SLC7A9: variants seen among roughly 807,000 people sequenced by gnomAD.
SLC7A9 encodes the protein solute carrier family 7 member 9, also known as B(0,+)-type amino acid transporter 1.
In SLC7A9, 38 loss-of-function variants were observed where a neutral mutation model predicts 54.1. That is an observed-to-expected ratio of 0.70 (90% CI 0.54 to 0.92). SLC7A9 has a LOEUF of 0.92. Among genes scored for constraint, SLC7A9 ranks in the 40% least tolerant of loss-of-function variants. SLC7A9 has a pLI of 0.00. For missense variants in SLC7A9, 537 were observed against 636.1 expected (o/e 0.84, Z 1.68); for synonymous variants, 264 against 258.9 (o/e 1.02, Z -0.19).
chr19:32,852,719 A>T (rs1968503868), intron 9 of SLC7A9, among the ~76,000 whole-genome samples: 1 of 152,142 alleles, frequency 6.6e-6, no homozygotes, highest in Non-Finnish European at 1.5e-5. Flanking sequence ...CACAAGGTGA[A>T]TACTGTCAAA....
At chr19:32,834,886 G>A (rs1352614957) in intron 11 of SLC7A9, among the ~76,000 whole-genome samples, 20 of 152,080 alleles carry the variant, frequency 1.3e-4, no homozygotes, top group Admixed American at 1.3e-3. Context: ...TGCCTCTTGG[G>A]TTCAAACAGT....
At chr19:32,838,491 A>G (rs1394351024) in intron 11 of SLC7A9, among the ~76,000 whole-genome samples, 2 of 148,344 alleles carry the variant, frequency 1.3e-5, no homozygotes, top group African/African-American at 4.9e-5. Context: ...CACAATCTAT[A>G]CATATATAAT....
At chr19:32,858,788 A>G (rs141218813) in intron 8 of SLC7A9, among the ~76,000 whole-genome samples, 255 of 151,244 alleles carry the variant, frequency 1.7e-3, no homozygotes, top group African/African-American at 5.8e-3. Flanking sequence ...TTATTTATTT[A>G]TTTATTTATT....
chr19:32,858,217 G>A (rs911073863), intron 9 of SLC7A9, among the ~76,000 whole-genome samples: 2 of 152,120 alleles, frequency 1.3e-5, no homozygotes, highest in Non-Finnish European at 2.9e-5. Flanking sequence ...GAGATTCCAG[G>A]CAGCCTTGAT....
chr19:32,836,472 T>C (rs1252293326), intron 11 of SLC7A9, among the ~76,000 whole-genome samples: 1 of 152,238 alleles, frequency 6.6e-6, no homozygotes, highest in Non-Finnish European at 1.5e-5. Flanking sequence ...TATTTGCTTT[T>C]TGGTTGTTTT....
chr19:32,838,591 AC>A (rs1365396512), intron 11 of SLC7A9, among the ~76,000 whole-genome samples: 2 of 148,100 alleles, frequency 1.4e-5, no homozygotes, highest in African/African-American at 4.9e-5. Context: ...GTATATAAAA[AC>A]GTATATTATA....
intron 2 of SLC7A9, among the ~76,000 whole-genome samples, chr19:32,867,311 G>A (rs1452111154): frequency 1.3e-5 from 2 of 152,098 alleles, no homozygotes; most frequent in Admixed American, 1.3e-4. Flanking sequence ...AGACCAGCCT[G>A]GGCAACACAG....
chr19:32,834,708 T>C (rs1370796546), intron 11 of SLC7A9, among the ~76,000 whole-genome samples: 1 of 152,184 alleles, frequency 6.6e-6, no homozygotes, highest in African/African-American at 2.4e-5. Context: ...GGTATTCTCT[T>C]ATTAGGAACA....
In SLC7A9 at chr19:32,830,567, A is replaced by G; in HGVS notation, c.*53T>C. The G allele has an allele frequency of 3.0e-6, 4 of 1,354,344 alleles. No homozygotes were observed. The South Asian group carries it at 3.5e-5, about 12-fold the overall frequency. The allele number at this position is 1,354,344 out of a possible 1,614,324, so 83.9% of individuals were successfully genotyped here. On this transcript the variant is annotated 3_prime_UTR_variant, in exon 13 of 13. Transcript: ENST00000023064. ...GAAAAAAAGGAAGAAATAACCACAA[A>G]TATTGCTTAAGAAAATAAATTCAGC...
chr19:32,830,929 A>T (rs942178253), intron 12 of SLC7A9, among the ~76,000 whole-genome samples: 7 of 152,142 alleles, frequency 4.6e-5, no homozygotes, highest in African/African-American at 1.7e-4. Flanking sequence ...GGACGACTGC[A>T]CTTTCCAGTT....
At chr19:32,831,447 C>G (rs887036114) in intron 12 of SLC7A9, 1 of 151,076 alleles carries the variant, frequency 6.6e-6, no homozygotes, top group African/African-American at 2.4e-5. Flanking sequence ...CCACCACGCC[C>G]GGCTAATTTT....
chr19:32,835,911 ATG>A (rs60204379), intron 11 of SLC7A9, among the ~76,000 whole-genome samples: 61,638 of 142,444 alleles, frequency 0.43, 13,196 homozygotes, highest in East Asian at 0.7. Flanking sequence ...GTGTGTGTGT[ATG>A]TGTGTGTGTG....
At position 32,862,309 on chromosome 19, in the gene SLC7A9, G is replaced by A. The variant is rs55791325; in HGVS notation, c.605-92C>T. 5.1e-3 allele frequency: 7,340 copies of A among 1,445,822 alleles called. 290 individuals carry two copies. In the African/African-American group the frequency reaches 0.09, roughly 18 times the overall value. The allele number at this position is 1,445,822 out of a possible 1,614,324, so 89.6% of individuals were successfully genotyped here. A position where few individuals can be genotyped will look rare whatever the true frequency, so the allele number is the denominator to read the frequency against. ...AAAGATGGGCATGATTGTGACCCCA[G>A]CTTAATAAACACGCCCTGAAACTAA... On this transcript the variant is annotated intron_variant, in intron 5 of 12. Transcript: ENST00000023064.
At chr19:32,850,298 A>G (rs1048958654) in intron 9 of SLC7A9, among the ~76,000 whole-genome samples, 1 of 148,586 alleles carries the variant, frequency 6.7e-6, no homozygotes, top group African/African-American at 2.5e-5. Context: ...GTCTCAGCCC[A>G]AAATCTCCTT....
intron 11 of SLC7A9, among the ~76,000 whole-genome samples, chr19:32,836,293 A>G (rs1162106916): frequency 1.3e-5 from 2 of 151,446 alleles, no homozygotes; most frequent in African/African-American, 4.9e-5. Flanking sequence ...AAGTGATGCA[A>G]CCGCCTTGGC....
chr19:32,839,162 T>C (rs949429396), intron 11 of SLC7A9, among the ~76,000 whole-genome samples: 2 of 152,220 alleles, frequency 1.3e-5, no homozygotes, highest in African/African-American at 4.8e-5. Context: ...CTGTCCCCTT[T>C]ATCTCTCATC....
chr19:32,845,862 G>C (rs1354621687), intron 9 of SLC7A9, among the ~76,000 whole-genome samples: 1 of 152,070 alleles, frequency 6.6e-6, no homozygotes, highest in Non-Finnish European at 1.5e-5. Flanking sequence ...ACAAAAATTA[G>C]GTGTGATGGC....
chr19:32,858,345 A>G, intron 9 of SLC7A9, 95 bp downstream of exon 9: 1 of 895,824 alleles, frequency 1.1e-6, no homozygotes. Flanking sequence ...TTCGCCTGGC[A>G]GAACCCTGAG....
At chr19:32,846,557 G>A in intron 9 of SLC7A9, among the ~76,000 whole-genome samples, 1 of 152,200 alleles carries the variant, frequency 6.6e-6, no homozygotes, top group East Asian at 1.9e-4. Flanking sequence ...AGCTCAAGGA[G>A]GCCTGCCTGC....
Sources: gnomAD v4.1 joint callset for allele counts (sites outside exome capture counted in the v4.1 genomes callset) on GRCh38, gnomAD v4.1.1 for gene constraint, MANE v1.5 for transcripts, NCBI Gene and HGNC (gene_info 2026-07-23, HGNC 2026-07-21) for gene names.